The following LIN9 variants were observed in gnomAD, a reference collection of about 807,000 sequenced individuals.
LIN9 encodes protein lin-9 homolog.
Under a neutral mutation model 78.0 loss-of-function variants are expected in LIN9, and 18 were observed. The observed-to-expected ratio is 0.23, with a 90% CI of 0.16 to 0.34. The LOEUF (loss-of-function observed/expected upper bound fraction) is 0.34, where lower values mean the gene tolerates loss of function less well. LIN9 is among the 10% of genes least tolerant of loss of function. The probability of loss-of-function intolerance (pLI) is 1.00; values close to 1 mark genes in which losing one functional copy is unlikely to be tolerated. For synonymous variants in LIN9, 192 were observed against 215.2 expected (o/e 0.89, Z 0.94); for missense variants, 451 against 644.1 (o/e 0.70, Z 3.25).
chr1:226,290,897 C>T (rs1156507069), intron 4 of LIN9, among the ~76,000 whole-genome samples: 1 of 152,092 alleles, frequency 6.6e-6, no homozygotes, highest in Non-Finnish European at 1.5e-5. Flanking sequence ...GCTGGGACTA[C>T]AGGCACGTGC....
At chr1:226,255,083 G>C (rs1229535419) in intron 10 of LIN9, among the ~76,000 whole-genome samples, 1 of 152,098 alleles carries the variant, frequency 6.6e-6, no homozygotes, top group East Asian at 1.9e-4. Flanking sequence ...TGCTTGGGTA[G>C]GGAAAACTGA....
rs556803514 is a variant in LIN9 at position 226,258,666 on chromosome 1, G to A, written c.1038+6867C>T. ...AGCACTTTGGGAGGCTGATGCGAGC[G>A]GATCACAAGGTCAGGAGATCGAGAC... is the stretch of plus-strand genomic sequence containing the variant. On this transcript the variant is annotated intron_variant, in intron 10 of 14. Transcript: ENST00000681046. Among the ~76,000 whole-genome samples, 44 of 151,334 alleles carry A rather than the reference G, an allele frequency of 2.9e-4. No individual in the cohort carries two copies. The Middle Eastern group carries it at 0.014, about 47-fold the overall frequency.
At chr1:226,289,431 T>C (rs1661584219) in intron 4 of LIN9, among the ~76,000 whole-genome samples, 1 of 152,008 alleles carries the variant, frequency 6.6e-6, no homozygotes, top group South Asian at 2.1e-4. Flanking sequence ...GGTGCAAACA[T>C]TGCTCACTAC....
Position 226,279,609 on chromosome 1 carries a change from A to C in LIN9, c.525-1677T>G, listed in dbSNP as rs1030627085. On this transcript the variant is annotated intron_variant, in intron 6 of 14. Transcript: ENST00000681046. ...GAAACCTCATTTCTGCCAAAAATAC[A>C]AAAAAAAAAAAAAAAAAAAGCTGGG... Among the ~76,000 whole-genome samples the C allele has an allele frequency of 1.6e-3, 87 of 53,372 alleles. No homozygotes were observed. The East Asian group carries it at 0.03, about 18-fold the overall frequency. The allele number at this position is 53,372 out of a possible 152,430, so 35.0% of individuals were successfully genotyped here. A position where few individuals can be genotyped will look rare whatever the true frequency, so the allele number is the denominator to read the frequency against.
chr1:226,306,101 C>A (rs1174793988), intron 1 of LIN9, among the ~76,000 whole-genome samples: 4 of 151,736 alleles, frequency 2.6e-5, no homozygotes, highest in African/African-American at 9.7e-5. Context: ...GAGGCGGGTG[C>A]ATCACCTGAG....
chr1:226,309,357 C>G, upstream of LIN9: 2 of 989,600 alleles, frequency 2.0e-6, no homozygotes, highest in Non-Finnish European at 2.4e-6. Flanking sequence ...CCCTCCGCCG[C>G]CGCCTCCGGC....
chr1:226,280,430 T>C (rs1660975011), intron 6 of LIN9, among the ~76,000 whole-genome samples: 1 of 152,106 alleles, frequency 6.6e-6, no homozygotes, highest in South Asian at 2.1e-4. Context: ...GGGAAGAATA[T>C]GAGAAGATAA....
chr1:226,266,484 G>T (rs973442271), intron 8 of LIN9, 152 bp from the exon 9 acceptor site: 2 of 430,874 alleles, frequency 4.6e-6, no homozygotes, highest in Non-Finnish European at 7.5e-6. Context: ...TTATAGAGTA[G>T]CATATTAGTC....
intron 12 of LIN9, among the ~76,000 whole-genome samples, chr1:226,237,776 C>T (rs183809565): frequency 5.3e-5 from 8 of 151,474 alleles, no homozygotes; most frequent in Admixed American, 2.0e-4. Flanking sequence ...TATGGTGAAA[C>T]CCCATCTCTA....
intron 2 of LIN9, among the ~76,000 whole-genome samples, chr1:226,298,827 G>A (rs1337957309): frequency 1.3e-5 from 2 of 152,002 alleles, no homozygotes; most frequent in African/African-American, 4.8e-5. Flanking sequence ...AGCGAGCCAG[G>A]GTCGAAGCAA....
chr1:226,281,576 A>T (rs1377177199), intron 6 of LIN9, among the ~76,000 whole-genome samples: 1 of 152,094 alleles, frequency 6.6e-6, no homozygotes, highest in Non-Finnish European at 1.5e-5. Context: ...GTACACATGT[A>T]CTCCCAAAAT....
intron 3 of LIN9, 144 bp from the exon 4 acceptor site, chr1:226,296,090 A>C (rs532580338): frequency 1.8e-6 from 1 of 570,848 alleles, no homozygotes; most frequent in Non-Finnish European, 3.1e-6. Flanking sequence ...CAAAGCACAC[A>C]AAGCCAAATA....
chr1:226,260,323 A>G (rs1011213705), intron 10 of LIN9, among the ~76,000 whole-genome samples: 69 of 152,278 alleles, frequency 4.5e-4, no homozygotes, highest in African/African-American at 1.6e-3. Flanking sequence ...ATACTTCCTA[A>G]CTCTTCTCCA....
At chr1:226,299,013 C>G (rs1662340978) in intron 2 of LIN9, among the ~76,000 whole-genome samples, 1 of 152,044 alleles carries the variant, frequency 6.6e-6, no homozygotes, top group South Asian at 2.1e-4. Context: ...TTATGATTTA[C>G]ACATATTATA....
chr1:226,299,689 G>C (rs1662394495), intron 2 of LIN9, among the ~76,000 whole-genome samples: 1 of 152,040 alleles, frequency 6.6e-6, no homozygotes, highest in Admixed American at 6.6e-5. Context: ...CAATATAGTA[G>C]CTTTAAAGAC....
At chr1:226,255,300 A>G (rs563728891) in intron 10 of LIN9, among the ~76,000 whole-genome samples, 39 of 152,304 alleles carry the variant, frequency 2.6e-4, no homozygotes, top group African/African-American at 8.7e-4. Flanking sequence ...GTTCTTAGCA[A>G]GGCCTGCCCT....
rs572038637 is a variant in LIN9, at chr1:226,301,585, A to T, written c.32-380T>A. Among the ~76,000 whole-genome samples the T allele has an allele frequency of 4.6e-5, 7 of 152,364 alleles. No individual in the cohort carries two copies. In the South Asian group the frequency reaches 1.4e-3, roughly 32 times the overall value. The stretch of plus-strand genomic sequence containing the variant: ...CATCCATTGAGGCAAAGACTGATGT[A>T]GTAATGGAGTGGAAAAAAACAGGCA... On this transcript the variant is annotated intron_variant, in intron 1 of 14. Transcript: ENST00000681046.
intron 4 of LIN9, among the ~76,000 whole-genome samples, chr1:226,288,263 C>T (rs369597670): frequency 9.9e-5 from 15 of 152,246 alleles, no homozygotes; most frequent in South Asian, 2.1e-4. Flanking sequence ...TGAGCCACAG[C>T]GCCCAGCTTA....
At chr1:226,267,869 T>C (rs1660031927) in intron 8 of LIN9, 88 bp downstream of exon 8, 1 of 1,346,410 alleles carries the variant, frequency 7.4e-7, no homozygotes, top group Non-Finnish European at 1.0e-6. Flanking sequence ...AAAGTCTTGA[T>C]TCTATCATAA....
Sources: allele counts gnomAD v4.1 joint callset (sites outside exome capture counted in the v4.1 genomes callset), GRCh38; gene constraint gnomAD v4.1.1; transcripts MANE v1.5; gene names NCBI Gene and HGNC (gene_info 2026-07-23, HGNC 2026-07-21).